ITGAE: variants seen among roughly 807,000 people sequenced by gnomAD.
ITGAE encodes the protein integrin subunit alpha E, also known as integrin alpha-E.
ITGAE carries 99 observed loss-of-function variants against 136.5 expected under a neutral mutation model. The observed-to-expected ratio is 0.73, with a 90% CI of 0.62 to 0.86. ITGAE has a LOEUF of 0.86. ITGAE is among the 40% of genes least tolerant of loss of function. The pLI is 0.00. For synonymous variants in ITGAE, 613 were observed against 591.8 expected, an observed-to-expected ratio of 1.04 and a Z score of -0.52; for missense variants, 1,447 against 1,515.3, an observed-to-expected ratio of 0.95 and a Z score of 0.75.
chr17:3,764,692 G>A (rs761833389), intron 2 of ITGAE, among the ~76,000 whole-genome samples: 25 of 151,930 alleles, frequency 1.6e-4, no homozygotes, highest in Non-Finnish European at 3.2e-4. Context: ...GTGTGACTTC[G>A]TCTCATAAAT....
Position 3,794,167 on chromosome 17 carries a change from C to T in ITGAE, c.34+6944G>A, listed in dbSNP as rs377208631. 5.9e-5 allele frequency among the ~76,000 whole-genome samples: 9 copies of T among 151,904 alleles called. No individual in the cohort carries two copies. The South Asian group carries it at 1.0e-3, about 18-fold the overall frequency. Reference sequence around the variant, plus strand: ...CTAATTTTTGTATTTTTAGTAGAGACGGGGTTTTGCCATGTTGGTCAGGCT... The same window carrying T: ...CTAATTTTTGTATTTTTAGTAGAGATGGGGTTTTGCCATGTTGGTCAGGCT... On this transcript the variant is annotated intron_variant, in intron 1 of 30. Coordinates refer to ENST00000263087, the MANE Select transcript of ITGAE (RefSeq NM_002208.5).
At chr17:3,784,631 G>A (rs2052742801) in intron 1 of ITGAE, among the ~76,000 whole-genome samples, 1 of 152,092 alleles carries the variant, frequency 6.6e-6, no homozygotes, top group African/African-American at 2.4e-5. Context: ...TTGACCTCGT[G>A]ATCCACCCAC....
intron 29 of ITGAE, among the ~76,000 whole-genome samples, chr17:3,718,841 T>G (rs993056364): frequency 6.6e-6 from 1 of 152,258 alleles, no homozygotes; most frequent in African/African-American, 2.4e-5. Flanking sequence ...TTCTTGCTAT[T>G]ATTTTTATTT....
At chr17:3,732,077 A>AAAAC (rs10523007) in intron 22 of ITGAE, among the ~76,000 whole-genome samples, 27,275 of 150,718 alleles carry the variant, frequency 0.18, 5,768 homozygotes, top group African/African-American at 0.52. Flanking sequence ...CTCCATCTCA[A>AAAAC]AAACAAACAA....
chr17:3,742,422 T>A (rs1213464301), intron 19 of ITGAE, among the ~76,000 whole-genome samples: 1 of 151,774 alleles, frequency 6.6e-6, no homozygotes, highest in Non-Finnish European at 1.5e-5. Context: ...AGACAATGCC[T>A]TTGTTTTTAG....
intron 1 of ITGAE, 149 bp from the exon 2 acceptor site, chr17:3,777,809 C>T (rs1029132161): frequency 1.9e-5 from 18 of 948,388 alleles, no homozygotes; most frequent in African/African-American, 3.3e-5. Context: ...AAAGACTAGA[C>T]GCAGGTGTAT....
At chr17:3,762,604 T>A (rs2143123862) in intron 3 of ITGAE, among the ~76,000 whole-genome samples, 1 of 145,368 alleles carries the variant, frequency 6.9e-6, no homozygotes, top group Non-Finnish European at 1.5e-5. Context: ...TTTTTTTTTT[T>A]TTTTTTTTTT....
In ITGAE at chr17:3,725,928, C is replaced by T. The variant is rs761543105; in HGVS notation, c.3084+1991G>A. On this transcript the variant is annotated intron_variant, in intron 26 of 30. Coordinates refer to ENST00000263087, the MANE Select transcript of ITGAE (RefSeq NM_002208.5). ...CTTAAAGAAAACCAGCCTCAAAAAA[C>T]TCCACTACACCCTCAATGGGAAGAG... The T allele has an allele frequency of 1.9e-6, 3 of 1,613,676 alleles. No individual in the cohort carries two copies. The South Asian group carries it at 3.3e-5, about 18-fold the overall frequency.
chr17:3,796,632 T>C (rs1204486204), intron 1 of ITGAE, among the ~76,000 whole-genome samples: 2 of 149,590 alleles, frequency 1.3e-5, no homozygotes, highest in Non-Finnish European at 3.0e-5. Flanking sequence ...CTTACAGACA[T>C]AGCTACACCA....
At chr17:3,732,627 C>T (rs992077407) in intron 21 of ITGAE, among the ~76,000 whole-genome samples, 161 bp from the exon 22 acceptor site, 1 of 152,234 alleles carries the variant, frequency 6.6e-6, no homozygotes, top group East Asian at 1.9e-4. Flanking sequence ...CTGTCTTCCT[C>T]ACAAGCCGGA....
Position 3,759,474 on chromosome 17 carries a change from G to A in ITGAE, c.794C>T (p.Ser265Phe). 1 of 1,614,188 alleles carries A rather than the reference G, an allele frequency of 6.2e-7. No homozygotes were observed. The highest frequency in any genetic ancestry group is 8.5e-7 in the Non-Finnish European group (1 of 1,180,030). The part of the protein sequence containing the change: ...DLRDSQDVMA[S>F]LARVQNITQV... ...AGTGATGTTCTGGACTCTGGCGAGG[G>A]AGGCCATCACATCCTGGCTGTCCCG... The change falls in exon 8 of 31, where the codon TCC becomes TTC. Residue 265 changes from serine to phenylalanine, a missense_variant. By Grantham distance (155) the Ser-to-Phe change is radical. Transcript: ENST00000263087.
At chr17:3,794,185 G>C (rs774827329) in intron 1 of ITGAE, among the ~76,000 whole-genome samples, 2 of 151,948 alleles carry the variant, frequency 1.3e-5, no homozygotes, top group Non-Finnish European at 1.5e-5. Context: ...TGCCATGTTG[G>C]TCAGGCTGGT....
chr17:3,796,192 T>TGTGTGTGTGTGTGGGG (rs1016303323), intron 1 of ITGAE, among the ~76,000 whole-genome samples: 1 of 148,596 alleles, frequency 6.7e-6, no homozygotes, highest in African/African-American at 2.6e-5. Flanking sequence ...TGTGTGTGTG[T>TGTGTGTGTGTGTGGGG]GGTGGGGTAG....
At chr17:3,721,709 T>C (rs2051054253) in intron 28 of ITGAE, 1 of 152,216 alleles carries the variant, frequency 6.6e-6, no homozygotes. Flanking sequence ...TGATCACTAG[T>C]TCCCACTTTA....
intron 1 of ITGAE, among the ~76,000 whole-genome samples, chr17:3,780,825 C>CA (rs1235877708): frequency 6.6e-6 from 1 of 152,130 alleles, no homozygotes; most frequent in African/African-American, 2.4e-5. Context: ...CTCAGCCTCT[C>CA]AAGTAGCTGG....
In ITGAE at chr17:3,752,041, C is replaced by G. The variant is rs542234155; in HGVS notation, c.1669-167G>C. ...CCACTCCATTGCCACCCAGGATGCA[C>G]GCTCACTGGGCCGGTGGGTGCCCAC... is the stretch of plus-strand genomic sequence containing the variant. On this transcript the variant is annotated intron_variant, in intron 14 of 30. Transcript: ENST00000263087. 2.0e-4 allele frequency among the ~76,000 whole-genome samples: 30 copies of G among 151,750 alleles called. No individual in the cohort carries two copies. The East Asian group carries it at 5.8e-3, about 30-fold the overall frequency.
intron 1 of ITGAE, among the ~76,000 whole-genome samples, chr17:3,787,469 G>C (rs1228988660): frequency 6.6e-6 from 1 of 152,072 alleles, no homozygotes; most frequent in African/African-American, 2.4e-5. Flanking sequence ...ATGTTGCCCA[G>C]GCTGATTTCA....
intron 29 of ITGAE, among the ~76,000 whole-genome samples, chr17:3,719,277 T>C (rs1297409511): frequency 8.2e-6 from 1 of 122,266 alleles, no homozygotes; most frequent in Admixed American, 7.4e-5. Context: ...GAAAAAGAAA[T>C]ACACTACTTA....
intron 21 of ITGAE, among the ~76,000 whole-genome samples, chr17:3,733,705 G>A (rs1339267959): frequency 1.3e-5 from 2 of 152,240 alleles, no homozygotes; most frequent in East Asian, 3.8e-4. Flanking sequence ...ACAGGCATGG[G>A]CCACTGCACC....
Sources: gnomAD v4.1 joint callset for allele counts (sites outside exome capture counted in the v4.1 genomes callset) on GRCh38, gnomAD v4.1.1 for gene constraint, MANE v1.5 for transcripts, NCBI Gene and HGNC (gene_info 2026-07-23, HGNC 2026-07-21) for gene names.